The following TNNI3K variants were observed in gnomAD, a reference collection of about 807,000 sequenced individuals.
The protein encoded by TNNI3K is serine/threonine-protein kinase TNNI3K.
In TNNI3K, 140 loss-of-function variants were observed where a neutral mutation model predicts 114.5. The ratio of observed to expected loss-of-function variants is 1.22; its 90% CI spans 1.07 to 1.41. The LOEUF is 1.41. TNNI3K is among the 40% of genes most tolerant of loss of function. The probability of loss-of-function intolerance (pLI) is 0.00; values close to 1 mark genes in which losing one functional copy is unlikely to be tolerated. For missense variants in TNNI3K, 1,125 were observed against 1,007.6 expected (o/e 1.12, Z -1.58); for synonymous variants, 347 against 347.5 (o/e 1.00, Z 0.02).
chr1:74,517,708 T>A (rs540074113), intron 23 of TNNI3K, among the ~76,000 whole-genome samples: 1 of 152,292 alleles, frequency 6.6e-6, no homozygotes, highest in Admixed American at 6.5e-5. Flanking sequence ...AGAGTACGAC[T>A]GGTAAACCGA....
chr1:74,515,987 A>AATGG (rs1646342706), intron 23 of TNNI3K, among the ~76,000 whole-genome samples: 1 of 152,140 alleles, frequency 6.6e-6, no homozygotes, highest in African/African-American at 2.4e-5. Flanking sequence ...AGAAAATGTA[A>AATGG]ATGGAGAGAG....
chr1:74,360,205 T>C (rs957590485), intron 11 of TNNI3K, among the ~76,000 whole-genome samples: 4 of 151,980 alleles, frequency 2.6e-5, no homozygotes, highest in African/African-American at 9.7e-5. Flanking sequence ...TTTGAAATTT[T>C]CCAACTGTAG....
chr1:74,500,812 T>G (rs1669586955), intron 23 of TNNI3K, among the ~76,000 whole-genome samples: 1 of 151,964 alleles, frequency 6.6e-6, no homozygotes, highest in Admixed American at 6.6e-5. Flanking sequence ...TTTTACTTTC[T>G]TTGTTGCTGT....
Position 74,492,173 on chromosome 1 carries a change from G to C in TNNI3K, c.2258G>C (p.Gly753Ala), listed in dbSNP as rs144507273. ...SSSSDCLVNR[G>A]GPGRSHVAAL... ...TCTTCTGATTGCCTGGTGAACCGGG[G>C]AGGACCTGGCCGGAGTCATGTGGCA... is the stretch of plus-strand genomic sequence containing the variant. Residue 753 changes from glycine (G) to alanine (A), a missense_variant, in exon 23 of 25, where the codon GGA (glycine) becomes GCA (alanine). Transcript: ENST00000326637. The C allele has an allele frequency of 6.2e-7, 1 of 1,613,218 alleles. No homozygotes were observed. The highest frequency in any genetic ancestry group is 8.5e-7 in the Non-Finnish European group (1 of 1,179,352).
rs777057036 is a variant in TNNI3K at position 74,249,422 on chromosome 1, A to C, written c.150-37A>C. The C allele has an allele frequency of 3.8e-6, 6 of 1,580,816 alleles. No homozygotes were observed. In the African/African-American group the frequency reaches 5.4e-5, roughly 14 times the overall value. On this transcript the variant is annotated intron_variant, in intron 2 of 24. Coordinates refer to ENST00000326637, the MANE Select transcript of TNNI3K (RefSeq NM_015978.3). ...CAAATGAAAGACAATATGCTAAAAG[A>C]TGAATTTTGTGATCATCTGTAACAT... is the stretch of plus-strand genomic sequence containing the variant.
chr1:74,513,940 T>A (rs1413527122), intron 23 of TNNI3K, among the ~76,000 whole-genome samples: 1 of 152,190 alleles, frequency 6.6e-6, no homozygotes, highest in East Asian at 1.9e-4. Flanking sequence ...TTCTATAGAC[T>A]AAGGGGAGTA....
intron 11 of TNNI3K, among the ~76,000 whole-genome samples, chr1:74,356,829 C>T (rs1440649102): frequency 6.6e-6 from 1 of 152,178 alleles, no homozygotes; most frequent in Non-Finnish European, 1.5e-5. Flanking sequence ...TCAACATATG[C>T]TGTATTTGTC....
chr1:74,272,546 T>G (rs1656414942), intron 5 of TNNI3K, among the ~76,000 whole-genome samples: 1 of 151,562 alleles, frequency 6.6e-6, no homozygotes, highest in African/African-American at 2.4e-5. Flanking sequence ...AAAGGCTGGG[T>G]GTGTTTGAGG....
Position 74,315,580 on chromosome 1 carries a change from A to G in TNNI3K, c.445-15870A>G, listed in dbSNP as rs572611365. On this transcript the variant is annotated intron_variant, in intron 5 of 24. Coordinates refer to ENST00000326637, the MANE Select transcript of TNNI3K (RefSeq NM_015978.3). Reference sequence around the variant, plus strand: ...GGTTTTTTTTTTTAACTGGATTTGTAGGAAAACAAGATAGCTTGCTCCATT... The same window carrying G: ...GGTTTTTTTTTTTAACTGGATTTGTGGGAAAACAAGATAGCTTGCTCCATT... 1.9e-4 allele frequency among the ~76,000 whole-genome samples: 29 copies of G among 151,986 alleles called. 1 individual carries two copies. Among genetic ancestry groups the G allele is most frequent in the Middle Eastern group, 3.4e-3 (1 of 292 alleles).
chr1:74,421,787 A>C (rs1665407121), intron 17 of TNNI3K, among the ~76,000 whole-genome samples: 1 of 151,896 alleles, frequency 6.6e-6, no homozygotes, highest in Non-Finnish European at 1.5e-5. Context: ...TCTCAGGCCC[A>C]CTGTGTAGCA....
At chr1:74,449,629 A>G (rs902098271) in intron 20 of TNNI3K, among the ~76,000 whole-genome samples, 3 of 151,768 alleles carry the variant, frequency 2.0e-5, no homozygotes, top group African/African-American at 7.3e-5. Context: ...AACAGACTTT[A>G]AACCAACAAA....
At position 74,524,841 on chromosome 1, in the gene TNNI3K, A is replaced by G. The variant is rs45541036; in HGVS notation, c.2352-15393A>G. Among the ~76,000 whole-genome samples the G allele has an allele frequency of 8.1e-3, 1,228 of 152,228 alleles. 27 individuals are homozygous for G. Among genetic ancestry groups the G allele is most frequent in the African/African-American group, 0.028 (1,183 of 41,536 alleles). On this transcript the variant is annotated intron_variant, in intron 23 of 24. Coordinates refer to ENST00000326637, the MANE Select transcript of TNNI3K (RefSeq NM_015978.3). Reference sequence around the variant, plus strand: ...CACTGGTAGGACTTGGAGATTTACTATGATTGAGATGCATGCCACTGCAGG... The same window carrying G: ...CACTGGTAGGACTTGGAGATTTACTGTGATTGAGATGCATGCCACTGCAGG...
At chr1:74,530,659 AG>A (rs1646570282) in intron 23 of TNNI3K, among the ~76,000 whole-genome samples, 1 of 151,948 alleles carries the variant, frequency 6.6e-6, no homozygotes, top group African/African-American at 2.4e-5. Flanking sequence ...GTAAGATGGT[AG>A]GTGGGAAAAT....
intron 20 of TNNI3K, among the ~76,000 whole-genome samples, chr1:74,457,587 C>T (rs1366375462): frequency 1.3e-5 from 2 of 152,200 alleles, no homozygotes; most frequent in Non-Finnish European, 2.9e-5. Context: ...TTTCAGAACA[C>T]ACATAAACAC....
intron 5 of TNNI3K, among the ~76,000 whole-genome samples, chr1:74,273,852 TG>T (rs1570403451): frequency 6.6e-6 from 1 of 151,876 alleles, no homozygotes; most frequent in Non-Finnish European, 1.5e-5. Flanking sequence ...TCTTCTTATA[TG>T]GGGGACTAAT....
chr1:74,466,422 G>C (rs1667683613), intron 21 of TNNI3K, among the ~76,000 whole-genome samples: 1 of 152,132 alleles, frequency 6.6e-6, no homozygotes, highest in Non-Finnish European at 1.5e-5. Flanking sequence ...CAAGCAAAGA[G>C]TTGGGAAATG....
Position 74,463,549 on chromosome 1 carries a change from AAGTG to A in TNNI3K, c.2121+3_2121+6del. On this transcript the variant is annotated splice_donor_variant and splice_donor_region_variant and coding_sequence_variant and intron_variant, in exon 21 of 25. Transcript: ENST00000326637. LOFTEE classifies it high-confidence loss of function. ...ATACGAGGGTGGAACGCATGTCCTG[AAGTG>A]AGTAATTTTTATTTCCTCTTAGAAA... 4 of 1,614,176 alleles carry A rather than the reference AAGTG, an allele frequency of 2.5e-6. No homozygotes were observed. Among genetic ancestry groups the A allele is most frequent in the Non-Finnish European group, 3.4e-6 (4 of 1,180,010 alleles).
intron 23 of TNNI3K, among the ~76,000 whole-genome samples, chr1:74,535,231 C>G (rs1031769373): frequency 6.6e-6 from 1 of 152,150 alleles, no homozygotes; most frequent in African/African-American, 2.4e-5. Flanking sequence ...AATCCAAGCA[C>G]TTTGGGAGGT....
chr1:74,517,647 G>A (rs951897250), intron 23 of TNNI3K, among the ~76,000 whole-genome samples: 1 of 152,118 alleles, frequency 6.6e-6, no homozygotes, highest in Non-Finnish European at 1.5e-5. Flanking sequence ...ACCTCAATTA[G>A]GTTCTATTTC....
Sources: allele counts gnomAD v4.1 joint callset (sites outside exome capture counted in the v4.1 genomes callset), GRCh38; gene constraint gnomAD v4.1.1; transcripts MANE v1.5; gene names NCBI Gene and HGNC (gene_info 2026-07-23, HGNC 2026-07-21).